Variants in CECR2 observed in about 807,000 individuals in gnomAD.
CECR2 encodes the protein CECR2 histone acetyl-lysine reader.
CECR2 carries 30 observed loss-of-function variants against 154.5 expected under a neutral mutation model. That is an observed-to-expected ratio of 0.19 (90% CI 0.15 to 0.26). The LOEUF is 0.26. CECR2 is among the 10% of genes least tolerant of loss of function. CECR2 has a pLI of 1.00. For synonymous variants in CECR2, 725 were observed against 683.7 expected (o/e 1.06, Z -0.94); for missense variants, 1,743 against 1,829.3 (o/e 0.95, Z 0.86).
At chr22:17,375,325 G>T (rs1362880666) in intron 1 of CECR2, among the ~76,000 whole-genome samples, 1 of 151,858 alleles carries the variant, frequency 6.6e-6, no homozygotes, top group Admixed American at 6.6e-5. Context: ...ATGTTGGTCA[G>T]GCTGGCCTCG....
At chr22:17,451,306 T>C (rs904616098) in intron 1 of CECR2, among the ~76,000 whole-genome samples, 1 of 152,194 alleles carries the variant, frequency 6.6e-6, no homozygotes, top group Admixed American at 6.5e-5. Context: ...CAAAGTGGTT[T>C]GTCAGGAATT....
chr22:17,385,370 C>T (rs1311933314), intron 1 of CECR2, among the ~76,000 whole-genome samples: 1 of 152,180 alleles, frequency 6.6e-6, no homozygotes, highest in African/African-American at 2.4e-5. Flanking sequence ...AGACATGGTG[C>T]TCTTCCTTAC....
At chr22:17,530,307 G>A (rs1161501470) in intron 9 of CECR2, among the ~76,000 whole-genome samples, 2 of 151,638 alleles carry the variant, frequency 1.3e-5, no homozygotes, top group Non-Finnish European at 2.9e-5. Flanking sequence ...GCACATGACT[G>A]CATACTTTCA....
At chr22:17,368,759 G>A (rs1440021270), upstream of CECR2, among the ~76,000 whole-genome samples, 3 of 152,090 alleles carry the variant, frequency 2.0e-5, no homozygotes, top group Non-Finnish European at 2.9e-5. Context: ...CTTCTCCGGG[G>A]CGGTCACACG....
intron 1 of CECR2, among the ~76,000 whole-genome samples, chr22:17,472,461 C>T (rs1286930734): frequency 6.6e-6 from 1 of 152,300 alleles, no homozygotes; most frequent in East Asian, 1.9e-4. Flanking sequence ...GTTCCGGGTC[C>T]TATACAGAAG....
intron 1 of CECR2, among the ~76,000 whole-genome samples, chr22:17,412,859 G>A (rs893423219): frequency 6.6e-6 from 1 of 152,156 alleles, no homozygotes. Flanking sequence ...GTGGCAGTGC[G>A]GGTGCGGCCA....
intron 1 of CECR2, among the ~76,000 whole-genome samples, chr22:17,447,434 T>A (rs960819175): frequency 1.3e-5 from 2 of 151,754 alleles, no homozygotes; most frequent in African/African-American, 4.8e-5. Flanking sequence ...ATTACAGGCG[T>A]GAGCCACCGT....
At chr22:17,511,778 A>G (rs1252876725) in intron 7 of CECR2, 35 bp from the exon 8 acceptor site, 5 of 1,578,044 alleles carry the variant, frequency 3.2e-6, no homozygotes, top group Non-Finnish European at 4.3e-6. Context: ...ACCCTAATCT[A>G]TCTTTTCCTT....
In CECR2 at chr22:17,524,217, A is replaced by C; in HGVS notation, c.1054A>C (p.Met352Leu). 2 of 1,610,218 alleles carry C rather than the reference A, an allele frequency of 1.2e-6. No homozygotes were observed. The highest frequency in any genetic ancestry group is 1.7e-6 in the Non-Finnish European group (2 of 1,178,420). ...LAVQKKEQEQMLKEERKRELE... is the reference protein window; with the variant it reads ...LAVQKKEQEQLLKEERKRELE... ...AGTGCAGAAGAAGGAGCAGGAGCAGATGCTAAAGGAAGAGAGGAAACGCGA... is the reference window on the plus strand; with the variant it reads ...AGTGCAGAAGAAGGAGCAGGAGCAGCTGCTAAAGGAAGAGAGGAAACGCGA... The change falls in exon 9 of 19, where the codon ATG (methionine) becomes CTG (leucine). Residue 352 changes from methionine (M) to leucine (L), a missense_variant. Around this residue, in one of 4 missense-constraint regions of CECR2, gnomAD observed 292 missense variants for 301.2 expected, o/e 0.97. Transcript: ENST00000262608.
At chr22:17,522,651 C>T (rs1045236246) in intron 8 of CECR2, among the ~76,000 whole-genome samples, 1 of 152,150 alleles carries the variant, frequency 6.6e-6, no homozygotes, top group African/African-American at 2.4e-5. Flanking sequence ...AGATTTTTAC[C>T]TGTAAACTCT....
chr22:17,548,515 C>T lies in CECR2; in HGVS notation c.3228C>T (p.Ser1076=), dbSNP rs372961659. The change falls in exon 17 of 19, where the codon TCC becomes TCT. Residue 1076 remains serine, a synonymous_variant. Coordinates refer to ENST00000262608, the MANE Select transcript of CECR2 (RefSeq NM_001290047.2). ...GGAAGGGCCTTGGTAGCAGTGGTTC[C>T]GAAAAGCTGCTCTGCCCCAGAGGCA... ...SEGKGLGSSG[S]EKLLCPRGRT... 2.9e-5 allele frequency: 46 copies of T among 1,613,594 alleles called. No homozygotes were observed. The highest frequency in any genetic ancestry group is 4.4e-5 in the South Asian group (4 of 91,032).
At chr22:17,452,229 C>A (rs140855082) in intron 1 of CECR2, among the ~76,000 whole-genome samples, 1 of 152,142 alleles carries the variant, frequency 6.6e-6, no homozygotes, top group African/African-American at 2.4e-5. Context: ...TGAGCCACCA[C>A]GCCAGACTAA....
intron 1 of CECR2, among the ~76,000 whole-genome samples, chr22:17,461,792 CTTTTTTTTT>C (rs145094879): frequency 1.5e-5 from 2 of 137,188 alleles, no homozygotes; most frequent in Non-Finnish European, 3.2e-5. Flanking sequence ...GTACCCGTTA[CTTTTTTTTT>C]TTTTTTTTTG....
intron 1 of CECR2, among the ~76,000 whole-genome samples, chr22:17,439,693 A>G (rs547816567): frequency 6.6e-6 from 1 of 152,338 alleles, no homozygotes; most frequent in South Asian, 2.1e-4. Flanking sequence ...TAAAATTTAA[A>G]ATACATAAAT....
chr22:17,438,880 A>G (rs5992710), intron 1 of CECR2, among the ~76,000 whole-genome samples: 12,256 of 152,090 alleles, frequency 0.081, 1,049 homozygotes, highest in African/African-American at 0.22. Flanking sequence ...TTTTTCTTAT[A>G]TTAATACTGT....
At chr22:17,508,378 G>A (rs927969784) in intron 7 of CECR2, among the ~76,000 whole-genome samples, 4 of 151,788 alleles carry the variant, frequency 2.6e-5, no homozygotes, top group East Asian at 1.9e-4. Flanking sequence ...GCCCTATCTC[G>A]GTGTGTCAGT....
chr22:17,538,722 G>T lies in CECR2; in HGVS notation c.1359G>T (p.Gln453His), dbSNP rs1384616850. 6.2e-7 allele frequency: 1 copy of T among 1,613,310 alleles called. No individual in the cohort carries two copies. Among genetic ancestry groups the T allele is most frequent in the African/African-American group, 1.3e-5 (1 of 74,882 alleles). The change falls in exon 12 of 19, where the codon CAG becomes CAT. Residue 453 changes from glutamine (Q) to histidine (H), a missense_variant. By Grantham distance (24) the Gln-to-His change is conservative (BLOSUM62 0). Transcript: ENST00000262608. Reference protein sequence around the residue: ...VDESYAPNYYQIIKAPMDISS... With the variant: ...VDESYAPNYYHIIKAPMDISS... ...AATCTTATGCCCCTAACTATTATCA[G>T]ATTATTAAGGTAGAAGTTGTCTTTG...
chr22:17,409,061 T>C (rs1433549637), intron 1 of CECR2, among the ~76,000 whole-genome samples: 1 of 152,242 alleles, frequency 6.6e-6, no homozygotes, highest in African/African-American at 2.4e-5. Flanking sequence ...GAATGAAACA[T>C]GCCCTGATCA....
intron 1 of CECR2, among the ~76,000 whole-genome samples, chr22:17,441,603 A>ACC (rs5844308): frequency 6.6e-5 from 10 of 151,672 alleles, no homozygotes; most frequent in Admixed American, 2.6e-4. Flanking sequence ...TGTGGACCCC[A>ACC]CCCCCCGTTA....
Sources: allele counts gnomAD v4.1 joint callset (sites outside exome capture counted in the v4.1 genomes callset), GRCh38; gene constraint gnomAD v4.1.1; regional missense constraint gnomAD v4.1.1; transcripts MANE v1.5; gene names NCBI Gene and HGNC (gene_info 2026-07-23, HGNC 2026-07-21).